The following KCNIP1 variants were observed in gnomAD, a reference collection of about 807,000 sequenced individuals.
KCNIP1 encodes the protein potassium voltage-gated channel interacting protein 1.
A neutral mutation model predicts 33.0 loss-of-function variants in KCNIP1; 18 were observed. The observed-to-expected ratio is 0.55, with a 90% CI of 0.38 to 0.81. KCNIP1 has a LOEUF of 0.81. KCNIP1 is among the 30% of genes least tolerant of loss of function. The pLI, the probability that KCNIP1 is intolerant of heterozygous loss-of-function variation, is 0.00. For synonymous variants in KCNIP1, 93 were observed against 98.3 expected (o/e 0.95, Z 0.32); for missense variants, 238 against 271.6 (o/e 0.88, Z 0.87).
At chr5:170,671,014 G>T (rs1305427029) in intron 1 of KCNIP1, among the ~76,000 whole-genome samples, 1 of 152,016 alleles carries the variant, frequency 6.6e-6, no homozygotes, top group Non-Finnish European at 1.5e-5. Context: ...CCTCTCTGTG[G>T]TCCTTTAGGC....
At chr5:170,684,556 TC>T (rs1235886504) in intron 1 of KCNIP1, among the ~76,000 whole-genome samples, 1 of 152,210 alleles carries the variant, frequency 6.6e-6, no homozygotes, top group East Asian at 1.9e-4. Flanking sequence ...ATAAAATACA[TC>T]CACTTAAAAG....
intron 1 of KCNIP1, among the ~76,000 whole-genome samples, chr5:170,716,955 T>C (rs1209014901): frequency 1.3e-5 from 2 of 152,236 alleles, no homozygotes; most frequent in African/African-American, 2.4e-5. Flanking sequence ...TTTATTTGCA[T>C]TTTAATGTGA....
At chr5:170,443,499 A>G (rs1299212437) in intron 1 of KCNIP1, among the ~76,000 whole-genome samples, 2 of 152,222 alleles carry the variant, frequency 1.3e-5, no homozygotes, top group African/African-American at 4.8e-5. Context: ...TGGAAGGCAT[A>G]TGCAAGAACA....
intron 1 of KCNIP1, among the ~76,000 whole-genome samples, chr5:170,409,979 G>A (rs1755138931): frequency 7.5e-6 from 1 of 133,772 alleles, no homozygotes; most frequent in South Asian, 2.1e-4. Context: ...GCATTTGACT[G>A]GCATTTTTAA....
chr5:170,477,932 T>C (rs767680448), intron 1 of KCNIP1, among the ~76,000 whole-genome samples: 3 of 152,172 alleles, frequency 2.0e-5, no homozygotes, highest in Admixed American at 6.5e-5. Flanking sequence ...CAGTAGAGTA[T>C]GACAAAAAAA....
intron 1 of KCNIP1, among the ~76,000 whole-genome samples, chr5:170,697,052 C>T (rs991309777): frequency 2.0e-5 from 3 of 151,606 alleles, no homozygotes; most frequent in African/African-American, 4.8e-5. Context: ...CCTCCATCTC[C>T]TCCTCCTCCT....
chr5:170,395,965 C>T (rs546266039), intron 1 of KCNIP1, among the ~76,000 whole-genome samples: 3 of 152,284 alleles, frequency 2.0e-5, no homozygotes, highest in South Asian at 2.1e-4. Flanking sequence ...ACACTGGCAC[C>T]GTGAGAGCCT....
intron 1 of KCNIP1, among the ~76,000 whole-genome samples, chr5:170,677,679 G>A (rs1454327629): frequency 2.0e-5 from 3 of 152,072 alleles, no homozygotes; most frequent in African/African-American, 7.2e-5. Flanking sequence ...TATGATGTCT[G>A]GATCATAACA....
chr5:170,404,973 T>C (rs1490223635), intron 1 of KCNIP1, among the ~76,000 whole-genome samples: 1 of 152,344 alleles, frequency 6.6e-6, no homozygotes, highest in South Asian at 2.1e-4. Flanking sequence ...CTTCCGGTTC[T>C]CCAGCACATA....
rs146848669 is a variant in KCNIP1, at chr5:170,550,260, C to T, written c.61+45627C>T. Among the ~76,000 whole-genome samples, 17 of 152,186 alleles carry T rather than the reference C, an allele frequency of 1.1e-4. No individual in the cohort carries two copies. The East Asian group carries it at 2.7e-3, about 24-fold the overall frequency. ...AGCAGAAACACACTTGGTTCTGGAA[C>T]AGAAAAAAGTTTATCTAGGAAAGGA... On this transcript the variant is annotated intron_variant, in intron 1 of 7. Coordinates refer to ENST00000328939, the MANE Select transcript of KCNIP1 (RefSeq NM_014592.4).
intron 1 of KCNIP1, among the ~76,000 whole-genome samples, chr5:170,447,386 C>T (rs190004382): frequency 2.0e-5 from 3 of 152,304 alleles, no homozygotes; most frequent in Non-Finnish European, 4.4e-5. Flanking sequence ...GCTGGAAATG[C>T]CACGTTCCCT....
At chr5:170,500,162 G>T (rs930266892), upstream of KCNIP1, among the ~76,000 whole-genome samples, 5 of 152,104 alleles carry the variant, frequency 3.3e-5, no homozygotes, top group African/African-American at 1.2e-4. Flanking sequence ...GTGCGTGGGG[G>T]GTCTTTGGAG....
intron 1 of KCNIP1, among the ~76,000 whole-genome samples, chr5:170,513,442 T>C (rs982788860): frequency 6.6e-6 from 1 of 152,222 alleles, no homozygotes; most frequent in African/African-American, 2.4e-5. Context: ...TCTTTCTTTT[T>C]AACAACAAAG....
chr5:170,565,707 A>G (rs1757182101), intron 1 of KCNIP1, among the ~76,000 whole-genome samples: 3 of 152,210 alleles, frequency 2.0e-5, no homozygotes, highest in African/African-American at 7.2e-5. Context: ...AAAAACTAGG[A>G]TTTTTAAAAC....
chr5:170,367,022 T>C (rs1021512697), intron 1 of KCNIP1, among the ~76,000 whole-genome samples: 2 of 152,150 alleles, frequency 1.3e-5, no homozygotes, highest in Non-Finnish European at 2.9e-5. Context: ...ACATTTTAGT[T>C]ATTTAAGAAC....
Position 170,735,794 on chromosome 5 carries a change from A to T in KCNIP1, c.639A>T (p.Gln213His). 1.9e-6 allele frequency: 3 copies of T among 1,614,076 alleles called. No homozygotes were observed. The highest frequency in any genetic ancestry group is 2.5e-6 in the Non-Finnish European group (3 of 1,179,976). Reference sequence around the variant, plus strand: ...TCATGAGGTCTCTCCAGCTGTTTCAAAATGTCATGTAACTGGTGACACTCA... The same window carrying T: ...TCATGAGGTCTCTCCAGCTGTTTCATAATGTCATGTAACTGGTGACACTCA... ...DNIMRSLQLFQNVM is the reference protein window; with the variant it reads ...DNIMRSLQLFHNVM The change falls in exon 8 of 8, where the codon CAA becomes CAT. Residue 213 changes from glutamine (Q) to histidine (H), a missense_variant. Gln to His is a conservative substitution (Grantham distance 24, BLOSUM62 0). Transcript: ENST00000328939.
intron 1 of KCNIP1, chr5:170,376,004 G>C (rs1379974334): frequency 6.6e-6 from 1 of 152,166 alleles, no homozygotes; most frequent in Admixed American, 6.5e-5. Context: ...CTCATCATCT[G>C]TGAGGCAGGT....
At chr5:170,636,688 G>A (rs1272218618) in intron 1 of KCNIP1, among the ~76,000 whole-genome samples, 1 of 152,114 alleles carries the variant, frequency 6.6e-6, no homozygotes, top group Non-Finnish European at 1.5e-5. Flanking sequence ...CGCACAGCAA[G>A]CCAGTGTAAA....
intron 1 of KCNIP1, among the ~76,000 whole-genome samples, chr5:170,460,319 A>C (rs1470588415): frequency 2.6e-5 from 4 of 152,084 alleles, no homozygotes; most frequent in Admixed American, 2.0e-4. Flanking sequence ...AAAGAAGGAA[A>C]CCTCCCTAAA....
Sources: allele counts gnomAD v4.1 joint callset (sites outside exome capture counted in the v4.1 genomes callset), GRCh38; gene constraint gnomAD v4.1.1; transcripts MANE v1.5; gene names NCBI Gene and HGNC (gene_info 2026-07-23, HGNC 2026-07-21).